TMEM165: variants seen among roughly 807,000 people sequenced by gnomAD.
TMEM165 encodes the protein transmembrane protein 165.
A neutral mutation model predicts 30.0 loss-of-function variants in TMEM165; 19 were observed. The ratio of observed to expected loss-of-function variants is 0.63; its 90% CI spans 0.44 to 0.93. TMEM165 has a LOEUF of 0.93. Ranked by LOEUF, TMEM165 falls within the 40% of genes least tolerant of loss-of-function variation. TMEM165 has a pLI of 0.00. For synonymous variants in TMEM165, 168 were observed against 162.9 expected (o/e 1.03, Z -0.24); for missense variants, 340 against 417.0 (o/e 0.82, Z 1.61).
chr4:55,428,741 A>G (rs1479251604), downstream of TMEM165: 1 of 152,048 alleles, frequency 6.6e-6, no homozygotes, highest in Non-Finnish European at 1.5e-5. Context: ...GCATGTTTTA[A>G]CAACTACCAA....
At position 55,396,407 on chromosome 4, in the gene TMEM165, CG is replaced by C; in HGVS notation, c.207+14del. ...CCGGCCCGGGTCGAGGTGAGCGGGCCGGGATGGGGCGAGCGAGGCTGCAGGG... is the reference window on the plus strand; with the variant it reads ...CCGGCCCGGGTCGAGGTGAGCGGGCCGGATGGGGCGAGCGAGGCTGCAGGG... On this transcript the variant is annotated intron_variant, in intron 1 of 5. Coordinates refer to ENST00000381334, the MANE Select transcript of TMEM165 (RefSeq NM_018475.5). The C allele has an allele frequency of 6.9e-7, 1 of 1,451,562 alleles. No individual in the cohort carries two copies. Among genetic ancestry groups the C allele is most frequent in the South Asian group, 1.4e-5 (1 of 73,180 alleles). The allele number at this position is 1,451,562 out of a possible 1,614,324, so 89.9% of individuals were successfully genotyped here. A position where few individuals can be genotyped will look rare whatever the true frequency, so the allele number is the denominator to read the frequency against.
intron 3 of TMEM165, chr4:55,443,948 A>G: frequency 6.5e-7 from 1 of 1,532,184 alleles, no homozygotes; most frequent in Non-Finnish European, 8.9e-7. Context: ...GAAAAGAAGA[A>G]TGAGCATTAA....
intron 1 of TMEM165, among the ~76,000 whole-genome samples, chr4:55,408,150 C>A (rs1721347089): frequency 6.6e-6 from 1 of 152,174 alleles, no homozygotes; most frequent in Non-Finnish European, 1.5e-5. Context: ...GATCTTCTAT[C>A]TTCACGGTAC....
At chr4:55,431,031 GTGA>G (rs2109593779), downstream of TMEM165, 1 of 152,302 alleles carries the variant, frequency 6.6e-6, no homozygotes, top group South Asian at 2.1e-4. Context: ...ACCTAAGTAA[GTGA>G]TGATTTGGGG....
chr4:55,438,613 C>G (rs943860093), intron 3 of TMEM165: 1 of 1,604,548 alleles, frequency 6.2e-7, no homozygotes, highest in Non-Finnish European at 8.5e-7. Context: ...GGAGTAAATA[C>G]TTACCTAAGA....
intron 3 of TMEM165, 173 bp from the exon 4 acceptor site, chr4:55,417,630 C>T (rs1041125740): frequency 3.3e-6 from 2 of 608,084 alleles, no homozygotes; most frequent in South Asian, 2.2e-5. Context: ...GAGACTATAG[C>T]ATTTGTTGCT....
chr4:55,417,685 A>T, intron 3 of TMEM165, 118 bp from the exon 4 acceptor site: 1 of 824,646 alleles, frequency 1.2e-6, no homozygotes, highest in Non-Finnish European at 1.9e-6. Flanking sequence ...GGTCACATAA[A>T]TGTAGTTTTT....
chr4:55,448,758 G>A, intron 3 of TMEM165: 3 of 1,597,666 alleles, frequency 1.9e-6, no homozygotes, highest in East Asian at 2.2e-5. Context: ...ATACGCAACT[G>A]AAACAAAAAC....
rs745360661 is a variant in TMEM165 at position 55,425,428 on chromosome 4, T to A, written c.951T>A (p.Phe317Leu). ...TGGCGTTTGCATTTTCTGCACTATT[T>A]ATAAGCCCTGATTCTGGTTTTTAAC... ...VFLAFAFSAL[F>L]ISPDSGF The change falls in exon 6 of 6, where the codon TTT becomes TTA. Residue 317 changes from phenylalanine to leucine, a missense_variant. Coordinates refer to ENST00000381334, the MANE Select transcript of TMEM165 (RefSeq NM_018475.5). 1 of 1,610,906 alleles carries A rather than the reference T, an allele frequency of 6.2e-7. No homozygotes were observed. The highest frequency in any genetic ancestry group is 8.5e-7 in the Non-Finnish European group (1 of 1,179,162).
At chr4:55,435,520 G>A in intron 3 of TMEM165, 1 of 1,614,038 alleles carries the variant, frequency 6.2e-7, no homozygotes, top group African/African-American at 1.3e-5. Context: ...ACTGAGGGAA[G>A]GTGCTCTGTT....
intron 3 of TMEM165, chr4:55,442,688 G>C: frequency 7.0e-7 from 1 of 1,433,008 alleles, no homozygotes; most frequent in Non-Finnish European, 9.7e-7. Context: ...AATTATTTGG[G>C]AAGTATGCTA....
chr4:55,425,315 T>C, intron 5 of TMEM165, 61 bp from the exon 6 acceptor site: 1 of 1,380,548 alleles, frequency 7.2e-7, no homozygotes, highest in Non-Finnish European at 1.0e-6. Flanking sequence ...CCCTTTTCAT[T>C]TTGTACAGTA....
Position 55,425,471 on chromosome 4 carries a change from A to ACC in TMEM165, c.*19_*20insCC. On this transcript the variant is annotated 3_prime_UTR_variant, in exon 6 of 6. Transcript: ENST00000381334. The stretch of plus-strand genomic sequence containing the variant: ...TTTTTAACAAGCTGTTTGTTCATCT[A>ACC]TATTTAGTTTAAAATAGGTAGTATT... 6.3e-7 allele frequency: 1 copy of ACC among 1,584,808 alleles called. No homozygotes were observed. The highest frequency in any genetic ancestry group is 1.3e-5 in the African/African-American group (1 of 74,276).
chr4:55,435,649 T>C (rs1560409518), intron 3 of TMEM165: 7 of 1,559,146 alleles, frequency 4.5e-6, no homozygotes, highest in Non-Finnish European at 6.2e-6. Flanking sequence ...GGCACCCACA[T>C]AATAGTTACT....
At chr4:55,430,503 T>A (rs1316614281), downstream of TMEM165, 1 of 152,212 alleles carries the variant, frequency 6.6e-6, no homozygotes, top group Non-Finnish European at 1.5e-5. Context: ...ATATCCTGAA[T>A]AACTGTGCCA....
Position 55,396,348 on chromosome 4 carries a change from G to A in TMEM165, c.159G>A (p.Leu53=). ...NKEPPAPAQQ[L]QPQPVAVQGP... is the part of the protein sequence containing the mutation. ...AACCGCCGGCGCCGGCCCAGCAGCT[G>A]CAGCCGCAGCCTGTGGCTGTGCAGG... is the stretch of plus-strand genomic sequence containing the variant. Residue 53 remains leucine, a synonymous_variant, in exon 1 of 6, where the codon CTG becomes CTA. Coordinates refer to ENST00000381334, the MANE Select transcript of TMEM165 (RefSeq NM_018475.5). 6.6e-7 allele frequency: 1 copy of A among 1,512,330 alleles called. No homozygotes were observed. Among genetic ancestry groups the A allele is most frequent in the Non-Finnish European group, 8.8e-7 (1 of 1,135,384 alleles). The allele number at this position is 1,512,330 out of a possible 1,614,324, so 93.7% of individuals were successfully genotyped here.
At chr4:55,399,983 A>C (rs1720883378) in intron 1 of TMEM165, among the ~76,000 whole-genome samples, 1 of 147,374 alleles carries the variant, frequency 6.8e-6, no homozygotes, top group Non-Finnish European at 1.5e-5. Flanking sequence ...ATTTTGTATT[A>C]TAATAGAATA....
Position 55,450,645 on chromosome 4 carries a change from T to G in TMEM165, c.409-1594T>G, listed in dbSNP as rs144921527. ...TAGCCAGGCATGATGGCAGATGCCT[T>G]GTGATCCCAGCTACTCCGGCGGCTG... is the stretch of plus-strand genomic sequence containing the variant. On this transcript the variant is annotated intron_variant, in intron 3 of 3. Coordinates refer to the TMEM165 transcript ENST00000608091. 1.8e-3 allele frequency among the ~76,000 whole-genome samples: 272 copies of G among 152,108 alleles called. 1 individual carries two copies. The highest frequency in any genetic ancestry group is 6.1e-3 in the African/African-American group (253 of 41,490).
chr4:55,421,833 T>G (rs911957295), intron 4 of TMEM165, among the ~76,000 whole-genome samples: 1 of 152,100 alleles, frequency 6.6e-6, no homozygotes. Flanking sequence ...CCCACCCTTA[T>G]AATATGCTTA....
Sources: gnomAD v4.1 joint callset for allele counts (sites outside exome capture counted in the v4.1 genomes callset) on GRCh38, gnomAD v4.1.1 for gene constraint, MANE v1.5 for transcripts, NCBI Gene and HGNC (gene_info 2026-07-23, HGNC 2026-07-21) for gene names.